The following SLCO1C1 variants were observed in gnomAD, a reference collection of about 807,000 sequenced individuals.
SLCO1C1 encodes the protein solute carrier organic anion transporter family member 1C1, also known as OAT-RP-5.
Under a neutral mutation model 76.4 loss-of-function variants are expected in SLCO1C1, and 70 were observed. That is an observed-to-expected ratio of 0.92 (90% CI 0.76 to 1.12). The LOEUF is 1.12. Ranked by LOEUF, SLCO1C1 falls within the 50% of genes most tolerant of loss-of-function variation. SLCO1C1 has a pLI of 0.00. For synonymous variants in SLCO1C1, 306 were observed against 286.1 expected (o/e 1.07, Z -0.70); for missense variants, 912 against 823.8 (o/e 1.11, Z -1.31).
At chr12:20,714,368 C>A (rs1023917440) in intron 5 of SLCO1C1, among the ~76,000 whole-genome samples, 1 of 152,094 alleles carries the variant, frequency 6.6e-6, no homozygotes, top group South Asian at 2.1e-4. Context: ...ATTAAAGCAC[C>A]TAAACCTTCA....
chr12:20,749,369 G>A (rs769442843), intron 13 of SLCO1C1, among the ~76,000 whole-genome samples: 7 of 152,198 alleles, frequency 4.6e-5, no homozygotes, highest in Non-Finnish European at 1.0e-4. Flanking sequence ...GACTCCAAGT[G>A]TAGGCAGCGG....
At chr12:20,744,067 C>G (rs11045429) in intron 13 of SLCO1C1, among the ~76,000 whole-genome samples, 1 of 151,680 alleles carries the variant, frequency 6.6e-6, no homozygotes. Flanking sequence ...AATTTGAAAT[C>G]AAATTTGGTT....
chr12:20,709,981 C>T lies in SLCO1C1; in HGVS notation c.405-1405C>T, dbSNP rs1946989636. ...TTCTTAACCTACTATGGTCAAGGAA[C>T]CCTTTGATAAAATTATAAAACCTGT... is the stretch of plus-strand genomic sequence containing the variant. On this transcript the variant is annotated intron_variant, in intron 4 of 14. Coordinates refer to ENST00000266509, the MANE Select transcript of SLCO1C1 (RefSeq NM_017435.5). Among the ~76,000 whole-genome samples the T allele has an allele frequency of 2.0e-5, 3 of 149,016 alleles. No homozygotes were observed. The South Asian group carries it at 6.3e-4, about 31-fold the overall frequency.
intron 3 of SLCO1C1, among the ~76,000 whole-genome samples, chr12:20,705,169 A>G (rs6487134): frequency 0.027 from 4,157 of 152,074 alleles, 196 homozygotes; most frequent in African/African-American, 0.097. Flanking sequence ...ATCATCAACT[A>G]AAAGTAACGT....
chr12:20,706,177 C>T, intron 4 of SLCO1C1, 96 bp downstream of exon 4: 1 of 1,386,882 alleles, frequency 7.2e-7, no homozygotes, highest in African/African-American at 1.5e-5. Flanking sequence ...AAGCTTAACC[C>T]ATGATAACTT....
At chr12:20,709,190 G>A (rs1360768209) in intron 4 of SLCO1C1, among the ~76,000 whole-genome samples, 1 of 152,122 alleles carries the variant, frequency 6.6e-6, no homozygotes, top group Non-Finnish European at 1.5e-5. Context: ...TATAATATTA[G>A]TCCCCGATTT....
intron 4 of SLCO1C1, among the ~76,000 whole-genome samples, chr12:20,707,750 G>T (rs895096387): frequency 5.9e-5 from 9 of 152,082 alleles, no homozygotes; most frequent in Non-Finnish European, 1.3e-4. Flanking sequence ...TCTTAAAGCT[G>T]CTGTATACAG....
chr12:20,719,161 G>A (rs200574769), intron 7 of SLCO1C1, among the ~76,000 whole-genome samples: 1 of 151,102 alleles, frequency 6.6e-6, no homozygotes, highest in East Asian at 1.9e-4. Context: ...TCTGTGATGT[G>A]TGATATTTGA....
In SLCO1C1 at chr12:20,717,648, C is replaced by CT. The variant is rs534946900; in HGVS notation, c.775+462dup. 2.2e-3 allele frequency among the ~76,000 whole-genome samples: 91 copies of CT among 42,294 alleles called. 12 individuals are homozygous for CT. Among genetic ancestry groups the CT allele is most frequent in the Non-Finnish European group, 2.7e-3 (54 of 19,836 alleles). 27.7% of individuals were successfully genotyped at this position (42,294 alleles called of 152,430 possible). On this transcript the variant is annotated intron_variant, in intron 7 of 14. Transcript: ENST00000266509. Reference sequence around the variant, plus strand: ...GTCTACTGGCAACCAAACAGCCCTTCTTTTTTTTTTTTTTTTTTTTTTTTT... The same window carrying CT: ...GTCTACTGGCAACCAAACAGCCCTTCTTTTTTTTTTTTTTTTTTTTTTTTTT...
intron 5 of SLCO1C1, among the ~76,000 whole-genome samples, chr12:20,714,581 C>T (rs1321878341): frequency 6.6e-6 from 1 of 152,000 alleles, no homozygotes; most frequent in African/African-American, 2.4e-5. Context: ...TTCCAGAGTC[C>T]TAAAAATGGT....
intron 1 of SLCO1C1, among the ~76,000 whole-genome samples, chr12:20,698,271 C>T (rs559258069): frequency 1.3e-5 from 2 of 150,916 alleles, no homozygotes; most frequent in Non-Finnish European, 2.9e-5. Context: ...TTCTCTTTCA[C>T]TCACTCTTCT....
intron 3 of SLCO1C1, among the ~76,000 whole-genome samples, chr12:20,704,228 A>C (rs1404499860): frequency 6.6e-6 from 1 of 151,362 alleles, no homozygotes; most frequent in East Asian, 1.9e-4. Flanking sequence ...GATACAGTAT[A>C]TATATGGTAT....
intron 14 of SLCO1C1, 128 bp downstream of exon 14, chr12:20,750,920 T>C (rs965403107): frequency 1.3e-6 from 2 of 1,553,038 alleles, no homozygotes; most frequent in Admixed American, 3.4e-5. Context: ...AATCAAAAAG[T>C]GTGATCTGTA....
chr12:20,703,512 C>T (rs1158196033), intron 3 of SLCO1C1, among the ~76,000 whole-genome samples: 1 of 151,832 alleles, frequency 6.6e-6, no homozygotes, highest in Non-Finnish European at 1.5e-5. Context: ...GATGCAAATA[C>T]TTTTAAAATT....
intron 4 of SLCO1C1, 72 bp from the exon 5 acceptor site, chr12:20,711,314 T>C: frequency 6.6e-7 from 1 of 1,517,314 alleles, no homozygotes; most frequent in Non-Finnish European, 8.9e-7. Context: ...TAACGATTCG[T>C]GTAGCATACA....
chr12:20,721,179 G>C (rs1947651069), intron 7 of SLCO1C1, among the ~76,000 whole-genome samples: 1 of 152,246 alleles, frequency 6.6e-6, no homozygotes, highest in South Asian at 2.1e-4. Flanking sequence ...GTCAGGGCTT[G>C]AGAAGATTGA....
rs918502749 is a variant in SLCO1C1 at position 20,737,007 on chromosome 12, C to T, written c.1383-100C>T. 59 of 1,054,992 alleles carry T rather than the reference C, an allele frequency of 5.6e-5. No individual in the cohort carries two copies. The African/African-American group carries it at 5.7e-4, about 10-fold the overall frequency. The allele number at this position is 1,054,992 out of a possible 1,614,324, so 65.4% of individuals were successfully genotyped here. ...GTGTTTCTAAAAGGCAAATTTTGTT[C>T]ATAGTATCATTTATATCACTCAAGA... On this transcript the variant is annotated intron_variant, in intron 10 of 14. Coordinates refer to ENST00000266509, the MANE Select transcript of SLCO1C1 (RefSeq NM_017435.5).
In SLCO1C1 at chr12:20,740,168, C is replaced by T; in HGVS notation, c.1549-16C>T. 1 of 1,590,076 alleles carries T rather than the reference C, an allele frequency of 6.3e-7. No individual in the cohort carries two copies. The highest frequency in any genetic ancestry group is 2.3e-5 in the East Asian group (1 of 44,010). ...ATGTTACTGAAATAATTGGACTTTTCCCTATCGTGTTACAGATATTTTACA... is the reference window on the plus strand; with the variant it reads ...ATGTTACTGAAATAATTGGACTTTTTCCTATCGTGTTACAGATATTTTACA... On this transcript the variant is annotated splice_polypyrimidine_tract_variant and intron_variant, in intron 11 of 14. Transcript: ENST00000266509.
Position 20,706,006 on chromosome 12 carries a change from A to G in SLCO1C1, c.329A>G (p.Lys110Arg). The change falls in exon 4 of 15, where the codon AAA (lysine) becomes AGA (arginine). Residue 110 changes from lysine to arginine, a missense_variant. Coordinates refer to ENST00000266509, the MANE Select transcript of SLCO1C1 (RefSeq NM_017435.5). The part of the protein sequence containing the change: ...SYFGAKLHRP[K>R]IIGAGCVIMG... ...TTTGGAGCCAAACTTCACAGGCCAAAAATAATTGGAGCAGGGTGTGTAATC... is the reference window on the plus strand; with the variant it reads ...TTTGGAGCCAAACTTCACAGGCCAAGAATAATTGGAGCAGGGTGTGTAATC... The G allele has an allele frequency of 5.0e-6, 8 of 1,613,512 alleles. No individual in the cohort carries two copies. The highest frequency in any genetic ancestry group is 6.8e-6 in the Non-Finnish European group (8 of 1,179,532).
Sources: allele counts gnomAD v4.1 joint callset (sites outside exome capture counted in the v4.1 genomes callset), GRCh38; gene constraint gnomAD v4.1.1; transcripts MANE v1.5; gene names NCBI Gene and HGNC (gene_info 2026-07-23, HGNC 2026-07-21).